PTPRN2: variants seen among roughly 807,000 people sequenced by gnomAD.
The protein encoded by PTPRN2 is receptor-type tyrosine-protein phosphatase N2.
In PTPRN2, 74 loss-of-function variants were observed where a neutral mutation model predicts 118.8. The observed-to-expected ratio is 0.62, with a 90% CI of 0.52 to 0.76. The LOEUF is 0.76. Ranked by LOEUF, PTPRN2 falls within the 30% of genes least tolerant of loss-of-function variation. The pLI, the probability that PTPRN2 is intolerant of heterozygous loss-of-function variation, is 0.00. For missense variants in PTPRN2, 1,481 were observed against 1,394.4 expected (o/e 1.06, Z -0.99); for synonymous variants, 641 against 608.0 (o/e 1.05, Z -0.80).
intron 3 of PTPRN2, among the ~76,000 whole-genome samples, chr7:158,209,209 T>A (rs1827393843): frequency 6.6e-6 from 1 of 151,228 alleles, no homozygotes; most frequent in African/African-American, 2.4e-5. Context: ...TACCTATCAA[T>A]AATAACAAAT....
chr7:158,465,944 G>A (rs1456327695), intron 2 of PTPRN2, among the ~76,000 whole-genome samples: 2 of 152,204 alleles, frequency 1.3e-5, no homozygotes, highest in Non-Finnish European at 2.9e-5. Flanking sequence ...TTCAGGCCTT[G>A]AACCCAGATC....
chr7:157,697,339 A>C (rs375242919), intron 12 of PTPRN2, among the ~76,000 whole-genome samples: 2 of 83,342 alleles, frequency 2.4e-5, no homozygotes, highest in South Asian at 4.7e-4. Context: ...TGCATACTGG[A>C]TCTTAGTAGA....
chr7:158,521,642 A>G (rs1383173777), intron 1 of PTPRN2, among the ~76,000 whole-genome samples: 1 of 105,414 alleles, frequency 9.5e-6, no homozygotes, highest in Non-Finnish European at 1.8e-5. Flanking sequence ...CCACGTCACA[A>G]TGGTGGACTG....
intron 5 of PTPRN2, among the ~76,000 whole-genome samples, chr7:158,171,310 T>TACATATATATATATATATATATACATAC (rs1343884902): frequency 1.8e-4 from 12 of 67,666 alleles, no homozygotes; most frequent in African/African-American, 8.7e-4. Context: ...TATACACACA[T>TACATATATATATATATATATATACATAC]ATATATATAT....
intron 2 of PTPRN2, among the ~76,000 whole-genome samples, chr7:158,450,527 C>T (rs550666588): frequency 1.3e-5 from 2 of 152,308 alleles, no homozygotes; most frequent in South Asian, 4.1e-4. Context: ...GCAGCTGGAA[C>T]CCCCACCCCT....
chr7:157,862,892 A>C (rs1810351452), intron 12 of PTPRN2: 1 of 150,136 alleles, frequency 6.7e-6, no homozygotes, highest in African/African-American at 2.6e-5. Flanking sequence ...CAGTTTCCTG[A>C]AAGATGAGGG....
At chr7:157,975,641 C>G (rs1802689189) in intron 11 of PTPRN2, among the ~76,000 whole-genome samples, 1 of 152,180 alleles carries the variant, frequency 6.6e-6, no homozygotes, top group African/African-American at 2.4e-5. Context: ...TGAGGCCAGC[C>G]CTTGGTGCCA....
chr7:158,319,577 A>ACACACCCTCACACACAAGCACAGG lies in PTPRN2; in HGVS notation c.164-2646_164-2645insCCTGTGCTTGTGTGTGAGGGTGTG, dbSNP rs1802705137. Among the ~76,000 whole-genome samples, 2 of 138,346 alleles carry ACACACCCTCACACACAAGCACAGG rather than the reference A, an allele frequency of 1.4e-5. 1 individual carries two copies. The highest frequency in any genetic ancestry group is 3.1e-5 in the Non-Finnish European group (2 of 65,532). 90.8% of individuals were successfully genotyped at this position (138,346 alleles called of 152,430 possible). ...CACACGGTCTCCCTCACACACGCACACAGCCTCCCTCACACACGCACACAG... is the reference window on the plus strand; with the variant it reads ...CACACGGTCTCCCTCACACACGCACACACACCCTCACACACAAGCACAGGCAGCCTCCCTCACACACGCACACAG... On this transcript the variant is annotated intron_variant, in intron 2 of 22. Transcript: ENST00000389418.
chr7:157,858,131 TCCTGCAGGGAGAGCCCCGTC>T lies in PTPRN2; in HGVS notation c.1788+40522_1788+40541del, dbSNP rs1563179127. Among the ~76,000 whole-genome samples the T allele has an allele frequency of 1.2e-3, 82 of 70,324 alleles. 2 individuals are homozygous for T. Among genetic ancestry groups the T allele is most frequent in the African/African-American group, 2.3e-3 (39 of 16,808 alleles). 46.1% of individuals were successfully genotyped at this position (70,324 alleles called of 152,430 possible). A position where few individuals can be genotyped will look rare whatever the true frequency, so the allele number is the denominator to read the frequency against. ...AGAGCCTCCCAGCCACCACCCACAC[TCCTGCAGGGAGAGCCCCGTC>T]ACCACCCACACTCCTGCAGGGAGAG... On this transcript the variant is annotated intron_variant, in intron 12 of 22. Transcript: ENST00000389418.
chr7:157,717,522 C>A (rs1236616858), intron 12 of PTPRN2, among the ~76,000 whole-genome samples: 6 of 152,380 alleles, frequency 3.9e-5, no homozygotes, highest in African/African-American at 1.2e-4. Context: ...CAGTGCCCTC[C>A]CTAGTTGGCA....
At chr7:157,576,967 T>A (rs1800088214) in intron 18 of PTPRN2, among the ~76,000 whole-genome samples, 188 bp from the exon 19 acceptor site, 1 of 152,208 alleles carries the variant, frequency 6.6e-6, no homozygotes. Context: ...GTTAACGCAC[T>A]GAAGTTAGCT....
intron 3 of PTPRN2, among the ~76,000 whole-genome samples, chr7:158,311,755 T>C (rs1359050502): frequency 2.6e-5 from 4 of 152,230 alleles, no homozygotes; most frequent in Admixed American, 2.6e-4. Flanking sequence ...CAAGCGCAGT[T>C]ACCAAGACAG....
chr7:157,640,744 C>T (rs903989691), intron 14 of PTPRN2, among the ~76,000 whole-genome samples: 6 of 152,100 alleles, frequency 3.9e-5, no homozygotes, highest in African/African-American at 1.2e-4. Context: ...TTCTCAAGTG[C>T]AGGGGCACCA....
chr7:158,441,262 TGGTGA>T (rs1371431145), intron 2 of PTPRN2, among the ~76,000 whole-genome samples: 1 of 99,820 alleles, frequency 1.0e-5, no homozygotes, highest in Admixed American at 1.1e-4. Context: ...GTGATGGTGA[TGGTGA>T]TAGTGATGGT....
chr7:158,447,314 A>G (rs927536684), intron 2 of PTPRN2, among the ~76,000 whole-genome samples: 2 of 152,234 alleles, frequency 1.3e-5, no homozygotes, highest in Admixed American at 1.3e-4. Context: ...CATTCCAGCC[A>G]TTAATTGCCT....
At chr7:157,569,949 G>A (rs1184967163) in intron 20 of PTPRN2, among the ~76,000 whole-genome samples, 1 of 152,254 alleles carries the variant, frequency 6.6e-6, no homozygotes, top group Non-Finnish European at 1.5e-5. Context: ...TTTCGGTTCT[G>A]CTTTCTATGC....
rs2151285654 is a variant in PTPRN2, at chr7:157,881,078, A to C, written c.1788+17595T>G. ...GGAGTCATTACGGTAAAATGAGGTC[A>C]TGAGGATATGTGGAGATGGGGGTGT... On this transcript the variant is annotated intron_variant, in intron 12 of 22. Transcript: ENST00000389418. This position sits in a 1 kb window ranked among gnomAD's most constrained non-coding sequence, Gnocchi z 4.7. Among the ~76,000 whole-genome samples, 1 of 152,326 alleles carries C rather than the reference A, an allele frequency of 6.6e-6. No homozygotes were observed. Among genetic ancestry groups the C allele is most frequent in the South Asian group, 2.1e-4 (1 of 4,830 alleles).
chr7:158,123,190 A>G (rs1817315870), intron 9 of PTPRN2, among the ~76,000 whole-genome samples: 1 of 152,262 alleles, frequency 6.6e-6, no homozygotes, highest in African/African-American at 2.4e-5. Flanking sequence ...ATCCCTGTTC[A>G]TCATTAAAAC....
chr7:158,181,366 C>G (rs1824690107), intron 5 of PTPRN2, among the ~76,000 whole-genome samples: 1 of 152,030 alleles, frequency 6.6e-6, no homozygotes, highest in Admixed American at 6.6e-5. Flanking sequence ...GTTTTTGCCT[C>G]TATGTTCATC....
Sources: gnomAD v4.1 joint callset for allele counts (sites outside exome capture counted in the v4.1 genomes callset) on GRCh38, gnomAD v4.1.1 for gene constraint, Gnocchi (gnomAD v3.1) non-coding constraint, MANE v1.5 for transcripts, NCBI Gene and HGNC (gene_info 2026-07-23, HGNC 2026-07-21) for gene names.